The following EPB41L4B variants were observed in gnomAD, a reference collection of about 807,000 sequenced individuals.
EPB41L4B encodes erythrocyte membrane protein band 4.1 like 4B.
Under a neutral mutation model 112.5 loss-of-function variants are expected in EPB41L4B, and 30 were observed. The ratio of observed to expected loss-of-function variants is 0.27; its 90% CI spans 0.20 to 0.36. EPB41L4B has a LOEUF of 0.36. Ranked by LOEUF, EPB41L4B falls within the 10% of genes least tolerant of loss-of-function variation. The pLI is 1.00. For synonymous variants in EPB41L4B, 408 were observed against 439.7 expected, an observed-to-expected ratio of 0.93 and a Z score of 0.90; for missense variants, 1,024 against 1,133.3, an observed-to-expected ratio of 0.90 and a Z score of 1.38.
chr9:109,238,148 T>C (rs150979806), intron 15 of EPB41L4B, among the ~76,000 whole-genome samples: 9 of 152,164 alleles, frequency 5.9e-5, no homozygotes, highest in Non-Finnish European at 1.2e-4. Context: ...CACAGAGTGG[T>C]CAGGAAATGA....
chr9:109,256,019 C>T (rs1834970586), intron 9 of EPB41L4B, 117 bp downstream of exon 9: 17 of 1,145,244 alleles, frequency 1.5e-5, no homozygotes, highest in Admixed American at 3.8e-5. Context: ...ACAGCAGCAC[C>T]GTGTGCTCTG....
At chr9:109,250,508 A>C (rs1272593029) in intron 13 of EPB41L4B, among the ~76,000 whole-genome samples, 1 of 152,192 alleles carries the variant, frequency 6.6e-6, no homozygotes, top group Non-Finnish European at 1.5e-5. Flanking sequence ...TTCAGACCAA[A>C]GGTCCAAACA....
At chr9:109,264,568 A>G (rs1281773739) in intron 5 of EPB41L4B, among the ~76,000 whole-genome samples, 2 of 152,238 alleles carry the variant, frequency 1.3e-5, no homozygotes, top group African/African-American at 2.4e-5. Context: ...AAAACTTTCT[A>G]CTGGAATCAG....
chr9:109,284,452 G>A (rs764456407), intron 1 of EPB41L4B, among the ~76,000 whole-genome samples: 3 of 152,114 alleles, frequency 2.0e-5, no homozygotes, highest in Non-Finnish European at 2.9e-5. Context: ...TTGCTCTGTC[G>A]CCCAGGCTGG....
chr9:109,207,906 T>A lies in EPB41L4B; in HGVS notation c.1878+18A>T. 1 of 1,613,934 alleles carries A rather than the reference T, an allele frequency of 6.2e-7. No homozygotes were observed. The highest frequency in any genetic ancestry group is 1.1e-5 in the South Asian group (1 of 91,004). On this transcript the variant is annotated intron_variant, in intron 18 of 25. Coordinates refer to ENST00000374566, the MANE Select transcript of EPB41L4B (RefSeq NM_019114.5). Reference sequence around the variant, plus strand: ...ATCCTATAACATGAAATCAAAGGAATGTATGCATTCTGCGCACCTGGATGT... The same window carrying A: ...ATCCTATAACATGAAATCAAAGGAAAGTATGCATTCTGCGCACCTGGATGT...
intron 2 of EPB41L4B, among the ~76,000 whole-genome samples, chr9:109,274,883 G>T (rs1835754008): frequency 6.6e-6 from 1 of 152,240 alleles, no homozygotes; most frequent in Non-Finnish European, 1.5e-5. Context: ...AAAGACTGTA[G>T]TTCAGTGCTG....
At chr9:109,310,607 C>A (rs1837382973) in intron 1 of EPB41L4B, among the ~76,000 whole-genome samples, 2 of 152,160 alleles carry the variant, frequency 1.3e-5, no homozygotes, top group Non-Finnish European at 2.9e-5. Flanking sequence ...GCCACACACC[C>A]CCAAACGAAG....
intron 15 of EPB41L4B, among the ~76,000 whole-genome samples, chr9:109,218,256 G>C (rs1452925762): frequency 6.7e-6 from 1 of 150,034 alleles, no homozygotes; most frequent in African/African-American, 2.5e-5. Context: ...CTCCTGAGTA[G>C]CTGGGATTAC....
chr9:109,180,279 C>T (rs1423679203), intron 24 of EPB41L4B, among the ~76,000 whole-genome samples: 6 of 152,242 alleles, frequency 3.9e-5, no homozygotes, highest in Non-Finnish European at 7.3e-5. Flanking sequence ...CCATTGGCTT[C>T]CTGCTCCATC....
At chr9:109,299,245 A>AT (rs1374083072) in intron 1 of EPB41L4B, among the ~76,000 whole-genome samples, 8 of 152,198 alleles carry the variant, frequency 5.3e-5, no homozygotes, top group African/African-American at 1.9e-4. Context: ...GAATGGGAAG[A>AT]TTTTTAAGAA....
intron 1 of EPB41L4B, among the ~76,000 whole-genome samples, chr9:109,292,386 A>C (rs1349411530): frequency 6.6e-6 from 1 of 152,182 alleles, no homozygotes; most frequent in East Asian, 1.9e-4. Context: ...CCCTAACACA[A>C]AGGTCCACTG....
chr9:109,308,193 G>C (rs1213703475), intron 1 of EPB41L4B, among the ~76,000 whole-genome samples: 1 of 152,070 alleles, frequency 6.6e-6, no homozygotes, highest in Non-Finnish European at 1.5e-5. Flanking sequence ...AGTATGTGAA[G>C]GGGACCCAAG....
intron 15 of EPB41L4B, among the ~76,000 whole-genome samples, chr9:109,233,672 A>G (rs989945691): frequency 7.9e-5 from 12 of 151,964 alleles, no homozygotes; most frequent in Non-Finnish European, 1.8e-4. Context: ...CTGGGGTTAC[A>G]GGCATGCGCC....
chr9:109,284,266 G>C (rs1363240414), intron 1 of EPB41L4B, among the ~76,000 whole-genome samples: 2 of 152,156 alleles, frequency 1.3e-5, no homozygotes, highest in Admixed American at 1.3e-4. Context: ...CAGAATGCTT[G>C]CATGGGTACC....
At chr9:109,314,643 C>T (rs898999058) in intron 1 of EPB41L4B, among the ~76,000 whole-genome samples, 2 of 151,250 alleles carry the variant, frequency 1.3e-5, no homozygotes, top group Non-Finnish European at 3.0e-5. Flanking sequence ...CACCCCCCCC[C>T]ACCTCAGCCT....
At chr9:109,209,118 C>A (rs1019064380) in intron 17 of EPB41L4B, among the ~76,000 whole-genome samples, 2 of 152,096 alleles carry the variant, frequency 1.3e-5, no homozygotes, top group Admixed American at 1.3e-4. Flanking sequence ...TAATCTTATT[C>A]ACTAATTAAG....
intron 24 of EPB41L4B, among the ~76,000 whole-genome samples, chr9:109,181,383 C>T (rs964480732): frequency 1.3e-5 from 2 of 152,172 alleles, no homozygotes; most frequent in African/African-American, 4.8e-5. Context: ...GGTTCTTGTT[C>T]ATCACAGCAC....
intron 2 of EPB41L4B, among the ~76,000 whole-genome samples, chr9:109,271,403 C>T (rs1242896034): frequency 6.6e-6 from 1 of 152,208 alleles, no homozygotes; most frequent in Non-Finnish European, 1.5e-5. Context: ...TTTTGCTTGC[C>T]TGCATCAGAG....
intron 2 of EPB41L4B, among the ~76,000 whole-genome samples, chr9:109,269,347 C>T (rs886122556): frequency 7.2e-5 from 11 of 152,234 alleles, no homozygotes; most frequent in African/African-American, 2.7e-4. Context: ...CTGCTTCAGT[C>T]TTATCTGAGG....
Sources: allele counts gnomAD v4.1 joint callset (sites outside exome capture counted in the v4.1 genomes callset), GRCh38; gene constraint gnomAD v4.1.1; transcripts MANE v1.5; gene names NCBI Gene and HGNC (gene_info 2026-07-23, HGNC 2026-07-21).